The following KLRG1 variants were observed in gnomAD, a reference collection of about 807,000 sequenced individuals.
KLRG1 encodes the protein killer cell lectin like receptor G1.
In KLRG1, 16 loss-of-function variants were observed where a neutral mutation model predicts 21.8. The ratio of observed to expected loss-of-function variants is 0.73; its 90% CI spans 0.50 to 1.11. KLRG1 has a LOEUF of 1.11. KLRG1 is among the 50% of genes most tolerant of loss of function. The pLI, the probability that KLRG1 is intolerant of heterozygous loss-of-function variation, is 0.00. For synonymous variants in KLRG1, 69 were observed against 75.9 expected (o/e 0.91, Z 0.47); for missense variants, 173 against 218.3 (o/e 0.79, Z 1.31).
At chr12:8,990,932 G>T (rs752201009) in intron 1 of KLRG1, among the ~76,000 whole-genome samples, 107 of 152,112 alleles carry the variant, frequency 7.0e-4, no homozygotes, top group South Asian at 5.0e-3. Context: ...AAATCTTAAT[G>T]CTTTTGGATT....
chr12:9,195,640 G>T, the KLRG1 span, among the ~76,000 whole-genome samples: 6 of 132,984 alleles, frequency 4.5e-5, no homozygotes, highest in East Asian at 1.3e-3. Context: ...TTTTTGCAGA[G>T]GTAGAGTCTT....
At chr12:9,042,524 T>C in the KLRG1 span, among the ~76,000 whole-genome samples, 1 of 152,204 alleles carries the variant, frequency 6.6e-6, no homozygotes, top group African/African-American at 2.4e-5. Context: ...ACGTGTTTCT[T>C]AGACCTTTTC....
chr12:9,089,214 AG>A, the KLRG1 span: 2 of 1,589,568 alleles, frequency 1.3e-6, no homozygotes, highest in Non-Finnish European at 1.7e-6. Context: ...TGGACAAAGT[AG>A]GGAGTTGAAT....
At chr12:8,979,757 T>A (rs1408340568) in intron 1 of KLRG1, among the ~76,000 whole-genome samples, 1 of 152,180 alleles carries the variant, frequency 6.6e-6, no homozygotes, top group East Asian at 1.9e-4. Flanking sequence ...TTCTTTTTTT[T>A]TCTCCTCTGA....
At chr12:9,065,804 T>G in the KLRG1 span, 9 of 152,246 alleles carry the variant, frequency 5.9e-5, no homozygotes, top group African/African-American at 2.2e-4. Flanking sequence ...TTCCTCCCTC[T>G]GAGGCTCATA....
chr12:9,192,509 T>A, the KLRG1 span: 13 of 1,609,640 alleles, frequency 8.1e-6, no homozygotes, highest in Admixed American at 2.2e-4. Flanking sequence ...GCCTCATTCT[T>A]ACCAGGTAAT....
At chr12:9,100,173 A>T in the KLRG1 span, among the ~76,000 whole-genome samples, 1 of 152,188 alleles carries the variant, frequency 6.6e-6, no homozygotes, top group African/African-American at 2.4e-5. Context: ...AGAAGTACCC[A>T]ATTTAATGCT....
intron 1 of KLRG1, among the ~76,000 whole-genome samples, chr12:8,974,537 G>T (rs908436462): frequency 6.6e-6 from 1 of 151,954 alleles, no homozygotes; most frequent in Admixed American, 6.6e-5. Context: ...TTATATTGAG[G>T]TACATTCTCT....
the KLRG1 span, among the ~76,000 whole-genome samples, chr12:9,070,825 AT>A: frequency 7.1e-4 from 103 of 145,730 alleles, no homozygotes; most frequent in East Asian, 1.0e-3. Flanking sequence ...GAGGATCTGC[AT>A]TTTTTTTTTT....
chr12:9,072,712 G>A, the KLRG1 span: 3 of 1,614,162 alleles, frequency 1.9e-6, no homozygotes, highest in Admixed American at 5.0e-5. Flanking sequence ...GGCAGCTCTG[G>A]CAATGAGACC....
chr12:9,092,096 AAC>A, the KLRG1 span, among the ~76,000 whole-genome samples: 1 of 152,156 alleles, frequency 6.6e-6, no homozygotes, highest in East Asian at 1.9e-4. Flanking sequence ...TTGGGCTTCT[AAC>A]TAGCCTGCAC....
the KLRG1 span, chr12:9,098,660 C>T: frequency 1.2e-6 from 2 of 1,610,608 alleles, no homozygotes; most frequent in Non-Finnish European, 1.7e-6. Flanking sequence ...CTTTGGTCCA[C>T]AGCACGGAGG....
At chr12:9,107,350 G>T in the KLRG1 span, among the ~76,000 whole-genome samples, 19 of 152,242 alleles carry the variant, frequency 1.2e-4, no homozygotes, top group Middle Eastern at 0.01. Flanking sequence ...GCAATTACGA[G>T]AAATAAATAA....
intron 1 of KLRG1, among the ~76,000 whole-genome samples, chr12:8,972,347 C>T (rs1169211806): frequency 2.0e-5 from 3 of 152,102 alleles, no homozygotes; most frequent in Admixed American, 6.5e-5. Flanking sequence ...TTAGTAGAGA[C>T]GGGGTTGCAC....
At chr12:8,992,135 C>A in intron 1 of KLRG1, 71 bp from the exon 2 acceptor site, 1 of 1,310,374 alleles carries the variant, frequency 7.6e-7, no homozygotes, top group Non-Finnish European at 1.1e-6. Flanking sequence ...ATGCGATATC[C>A]TTCCCTGACT....
At chr12:9,073,858 C>T in the KLRG1 span, among the ~76,000 whole-genome samples, 4 of 151,976 alleles carry the variant, frequency 2.6e-5, no homozygotes, top group African/African-American at 9.7e-5. Context: ...GAGGCCAAGG[C>T]GGATGGATTG....
the KLRG1 span, among the ~76,000 whole-genome samples, chr12:9,086,059 T>A: frequency 1.3e-5 from 2 of 152,170 alleles, no homozygotes; most frequent in Admixed American, 1.3e-4. Context: ...TAGGTTCTAC[T>A]TATCATTTAA....
the KLRG1 span, among the ~76,000 whole-genome samples, chr12:9,138,462 AT>A: frequency 0.1 from 14,938 of 147,766 alleles, 928 homozygotes; most frequent in African/African-American, 0.18. Flanking sequence ...TTGGCCTGTC[AT>A]TTTTTTTTTC....
the KLRG1 span, among the ~76,000 whole-genome samples, chr12:9,190,980 T>C: frequency 6.6e-6 from 1 of 152,264 alleles, no homozygotes; most frequent in African/African-American, 2.4e-5. Context: ...AATTAATAAC[T>C]ATTAAAATAT....
Sources: allele counts gnomAD v4.1 joint callset (sites outside exome capture counted in the v4.1 genomes callset), GRCh38; gene constraint gnomAD v4.1.1; transcripts MANE v1.5; gene names NCBI Gene and HGNC (gene_info 2026-07-23, HGNC 2026-07-21).